USH2A: variants seen among roughly 807,000 people sequenced by gnomAD.
USH2A encodes the protein usherin, also known as Usher syndrome 2A (autosomal recessive, mild).
Under a neutral mutation model 538.9 loss-of-function variants are expected in USH2A, and 443 were observed. The observed-to-expected ratio is 0.82, with a 90% CI of 0.76 to 0.89. The LOEUF (loss-of-function observed/expected upper bound fraction) is 0.89. USH2A is among the 40% of genes least tolerant of loss of function. The probability of loss-of-function intolerance (pLI) is 0.00; values close to 1 mark genes in which losing one functional copy is unlikely to be tolerated. For missense variants in USH2A, 6,633 were observed against 6,324.8 expected, an observed-to-expected ratio of 1.05 and a Z score of -1.65; for synonymous variants, 2,413 against 2,273.5, an observed-to-expected ratio of 1.06 and a Z score of -1.75.
chr1:215,705,691 C>T (rs1173035934), intron 61 of USH2A, among the ~76,000 whole-genome samples: 1 of 152,184 alleles, frequency 6.6e-6, no homozygotes, highest in Non-Finnish European at 1.5e-5. Flanking sequence ...GGTCACAACA[C>T]TAATGGGACC....
At position 216,394,773 on chromosome 1, in the gene USH2A, C is replaced by CAGTG. The variant is rs2039177376; in HGVS notation, c.651+23737_651+23740dup. On this transcript the variant is annotated intron_variant, in intron 3 of 71. Transcript: ENST00000307340. Reference sequence around the variant, plus strand: ...TCGCTCTGTCGCCCAGGCTGGAGTGCAGTGGCGCGATCTCCGCTCACTGCA... The same window carrying CAGTG: ...TCGCTCTGTCGCCCAGGCTGGAGTGCAGTGAGTGGCGCGATCTCCGCTCACTGCA... 4.5e-5 allele frequency among the ~76,000 whole-genome samples: 6 copies of CAGTG among 134,536 alleles called. No individual in the cohort carries two copies. In the South Asian group the frequency reaches 1.5e-3, roughly 34 times the overall value. The allele number at this position is 134,536 out of a possible 152,430, so 88.3% of individuals were successfully genotyped here.
At chr1:216,240,625 T>C (rs1243291229) in intron 13 of USH2A, among the ~76,000 whole-genome samples, 2 of 152,124 alleles carry the variant, frequency 1.3e-5, no homozygotes, top group African/African-American at 4.8e-5. Context: ...TTTCATATAA[T>C]AGTAAAATTT....
chr1:215,778,520 G>A (rs932047974), intron 55 of USH2A, among the ~76,000 whole-genome samples: 2 of 152,176 alleles, frequency 1.3e-5, no homozygotes, highest in Non-Finnish European at 2.9e-5. Context: ...TGGCATTTAA[G>A]AGTGAAAAGT....
chr1:216,115,275 G>A (rs574844337), intron 21 of USH2A, among the ~76,000 whole-genome samples: 1 of 152,160 alleles, frequency 6.6e-6, no homozygotes, highest in East Asian at 1.9e-4. Context: ...CTGAGTAGCT[G>A]GGACTACAAG....
intron 19 of USH2A, among the ~76,000 whole-genome samples, chr1:216,192,909 G>C (rs1271606954): frequency 6.6e-6 from 1 of 151,974 alleles, no homozygotes; most frequent in African/African-American, 2.4e-5. Flanking sequence ...TATTTATCAG[G>C]CTCTTTAAGC....
At chr1:215,822,732 A>G (rs1480332256) in intron 47 of USH2A, among the ~76,000 whole-genome samples, 1 of 151,922 alleles carries the variant, frequency 6.6e-6, no homozygotes, top group Non-Finnish European at 1.5e-5. Flanking sequence ...TTCCCAGTTC[A>G]GTACAATGTT....
chr1:215,916,352 A>T (rs371167272), intron 38 of USH2A, among the ~76,000 whole-genome samples: 6,692 of 145,838 alleles, frequency 0.046, 205 homozygotes, highest in Admixed American at 0.089. Flanking sequence ...AAAAAAAAAA[A>T]TTGTTAAAAA....
intron 32 of USH2A, among the ~76,000 whole-genome samples, chr1:216,034,967 T>C (rs74143912): frequency 0.035 from 5,303 of 152,290 alleles, 241 homozygotes; most frequent in African/African-American, 0.11. Context: ...AGAGATGTGA[T>C]TGTGAAGATG....
At position 215,723,931 on chromosome 1, in the gene USH2A, G is replaced by A. The variant is rs55878277; in HGVS notation, c.12066+4099C>T. Among the ~76,000 whole-genome samples the A allele has an allele frequency of 2.8e-3, 424 of 152,030 alleles. 2 individuals carry two copies. Among genetic ancestry groups the A allele is most frequent in the African/African-American group, 7.6e-3 (313 of 41,442 alleles). ...GTTCAATCCAGCAGTCTCACTACTG[G>A]GCATCTACCCAAAGGAAAATAAATC... On this transcript the variant is annotated intron_variant, in intron 61 of 71. Transcript: ENST00000307340.
chr1:215,958,742 CT>C (rs1357096800), intron 37 of USH2A, among the ~76,000 whole-genome samples: 3 of 152,074 alleles, frequency 2.0e-5, no homozygotes, highest in Non-Finnish European at 2.9e-5. Context: ...AAAACCAAAT[CT>C]CCCATGCCTC....
At chr1:215,871,910 G>A (rs1009080971) in intron 43 of USH2A, among the ~76,000 whole-genome samples, 3 of 152,182 alleles carry the variant, frequency 2.0e-5, no homozygotes, top group African/African-American at 4.8e-5. Flanking sequence ...TATCTTGGAA[G>A]GGACTGATAT....
chr1:215,846,001 A>G lies in USH2A; in HGVS notation c.8878T>C (p.Tyr2960His). 6.2e-7 allele frequency: 1 copy of G among 1,612,304 alleles called. No individual in the cohort carries two copies. The highest frequency in any genetic ancestry group is 8.5e-7 in the Non-Finnish European group (1 of 1,178,706). Residue 2960 changes from tyrosine to histidine, a missense_variant, in exon 45 of 72, where the codon TAC (tyrosine) becomes CAC (histidine). By Grantham distance (83) the Tyr-to-His change is moderately conservative (BLOSUM62 2). Coordinates refer to ENST00000307340, the MANE Select transcript of USH2A (RefSeq NM_206933.4). ...GTAGCAGAACTCCAAAAAAGTGTGT[A>G]ATATTCAACTTCACCTTGTAGGTCT... The part of the protein sequence containing the change: ...VQDLQGEVEY[Y>H]TLFWSSATSN...
At chr1:216,087,590 A>G (rs956387920) in intron 23 of USH2A, among the ~76,000 whole-genome samples, 3 of 151,892 alleles carry the variant, frequency 2.0e-5, no homozygotes, top group Non-Finnish European at 4.4e-5. Context: ...AGCCATAGAT[A>G]ATACGTAAAT....
At chr1:216,141,450 C>CA (rs2033601517) in intron 21 of USH2A, among the ~76,000 whole-genome samples, 1 of 152,194 alleles carries the variant, frequency 6.6e-6, no homozygotes, top group African/African-American at 2.4e-5. Flanking sequence ...AGCATACTAA[C>CA]AGCCTTTCCA....
At chr1:215,836,328 T>C (rs1384916948) in intron 47 of USH2A, among the ~76,000 whole-genome samples, 1 of 148,246 alleles carries the variant, frequency 6.7e-6, no homozygotes, top group Non-Finnish European at 1.5e-5. Context: ...CCTCTTATTA[T>C]AGTGTTTTTT....
chr1:216,323,538 T>G lies in USH2A; in HGVS notation c.1486A>C (p.Thr496Pro), dbSNP rs145114473. 63 of 1,613,440 alleles carry G rather than the reference T, an allele frequency of 3.9e-5. No homozygotes were observed. In the African/African-American group the frequency reaches 7.1e-4, roughly 18 times the overall value. Residue 496 changes from threonine (T) to proline (P), a missense_variant, in exon 8 of 72, where the codon ACT becomes CCT. Transcript: ENST00000307340. ...RFHFHGQYYT[T>P]ETAVNLRHRY... ...TGTCTGAGGTTAACAGCAGTCTCAG[T>G]TGTATAGTACTGCCCATGAAAATGA...
At chr1:216,044,482 TTA>T (rs1168302503) in intron 32 of USH2A, among the ~76,000 whole-genome samples, 1 of 152,172 alleles carries the variant, frequency 6.6e-6, no homozygotes, top group East Asian at 1.9e-4. Flanking sequence ...TTTATAATTT[TTA>T]GTTAAAATCA....
Position 216,321,896 on chromosome 1 carries a change from G to T in USH2A, c.1631C>A (p.Thr544Asn), listed in dbSNP as rs1462954723. 1.2e-6 allele frequency: 2 copies of T among 1,613,550 alleles called. No homozygotes were observed. The highest frequency in any genetic ancestry group is 2.2e-5 in the South Asian group (2 of 91,076). ...AATAGAACTCACATGAAGTCCTTCA[G>T]TGAAGCTCTCCTGGGAGCAGAGGCA... Reference protein sequence around the residue: ...YRCLCSQESFTEGLHCDRCLP... With the variant: ...YRCLCSQESFNEGLHCDRCLP... The change falls in exon 9 of 72, where the codon ACT (threonine) becomes AAT (asparagine). Residue 544 changes from threonine (T) to asparagine (N), a missense_variant. Transcript: ENST00000307340.
Position 215,900,086 on chromosome 1 carries a change from G to T in USH2A, c.7583C>A (p.Thr2528Asn). 12 of 1,613,666 alleles carry T rather than the reference G, an allele frequency of 7.4e-6. No individual in the cohort carries two copies. The highest frequency in any genetic ancestry group is 8.5e-6 in the Non-Finnish European group (10 of 1,179,744). The part of the protein sequence containing the change: ...SAHSSWIPFM[T>N]AEDKPGPVVP... ...TTCAGACCACTTACTGTCCTCTGCG[G>T]TCATGAATGGAATCCAAGAACTATG... is the stretch of plus-strand genomic sequence containing the variant. Residue 2528 changes from threonine (T) to asparagine (N), a missense_variant, in exon 40 of 72, where the codon ACC becomes AAC. Physicochemically the swap from Thr to Asn is moderately conservative, Grantham distance 65 (BLOSUM62 0). Coordinates refer to ENST00000307340, the MANE Select transcript of USH2A (RefSeq NM_206933.4).
Sources: gnomAD v4.1 joint callset for allele counts (sites outside exome capture counted in the v4.1 genomes callset) on GRCh38, gnomAD v4.1.1 for gene constraint, MANE v1.5 for transcripts, NCBI Gene and HGNC (gene_info 2026-07-23, HGNC 2026-07-21) for gene names.